Variants in TRPM3 observed in about 807,000 individuals in gnomAD.
TRPM3 encodes long transient receptor potential channel 3.
In TRPM3, 77 loss-of-function variants were observed where a neutral mutation model predicts 181.2. The observed-to-expected ratio is 0.42, with a 90% CI of 0.35 to 0.51. The LOEUF (loss-of-function observed/expected upper bound fraction) is 0.51. Ranked by LOEUF, TRPM3 falls within the 20% of genes least tolerant of loss-of-function variation. The pLI, the probability that TRPM3 is intolerant of heterozygous loss-of-function variation, is 0.01. For missense variants in TRPM3, 1,759 were observed against 2,196.7 expected (o/e 0.80, Z 3.98); for synonymous variants, 745 against 796.4 (o/e 0.94, Z 1.09).
At chr9:70,550,023 G>A (rs1045307910) in intron 24 of TRPM3, among the ~76,000 whole-genome samples, 6 of 152,134 alleles carry the variant, frequency 3.9e-5, no homozygotes, top group Non-Finnish European at 8.8e-5. Context: ...TCTGGGCTGG[G>A]GGTGTGGCAG....
chr9:71,272,230 A>C (rs2083858863), intron 1 of TRPM3, among the ~76,000 whole-genome samples: 2 of 152,342 alleles, frequency 1.3e-5, no homozygotes, highest in East Asian at 3.9e-4. Flanking sequence ...ACATCAAGAA[A>C]ATAGAATTGG....
chr9:70,966,347 G>T (rs898327655), intron 1 of TRPM3, among the ~76,000 whole-genome samples: 2 of 152,040 alleles, frequency 1.3e-5, no homozygotes, highest in Non-Finnish European at 2.9e-5. Context: ...ATTCCTCAAA[G>T]ACTTAGAAAC....
At chr9:71,046,240 C>T (rs1246887579) in intron 1 of TRPM3, among the ~76,000 whole-genome samples, 1 of 152,168 alleles carries the variant, frequency 6.6e-6, no homozygotes, top group African/African-American at 2.4e-5. Flanking sequence ...CAGACTCGGC[C>T]TCCCAAAGTG....
chr9:71,379,630 A>G (rs2092748069), intron 1 of TRPM3, among the ~76,000 whole-genome samples: 1 of 152,040 alleles, frequency 6.6e-6, no homozygotes, highest in East Asian at 1.9e-4. Flanking sequence ...AATACCTTCC[A>G]GGATGACTCT....
intron 1 of TRPM3, chr9:70,917,449 G>C (rs763212153): frequency 1.3e-4 from 103 of 771,318 alleles, no homozygotes; most frequent in Non-Finnish European, 1.3e-4. Flanking sequence ...GACTGGAGTG[G>C]AACAAGGCCA....
chr9:71,154,007 G>A (rs1383209364), intron 1 of TRPM3, among the ~76,000 whole-genome samples: 1 of 152,094 alleles, frequency 6.6e-6, no homozygotes, highest in African/African-American at 2.4e-5. Flanking sequence ...TTTTGGCACT[G>A]TGAGAGTGAA....
chr9:71,178,631 T>C (rs1331643340), intron 1 of TRPM3, among the ~76,000 whole-genome samples: 1 of 152,196 alleles, frequency 6.6e-6, no homozygotes, highest in Non-Finnish European at 1.5e-5. Flanking sequence ...ATTATATTTA[T>C]GGCACTAGTA....
intron 1 of TRPM3, among the ~76,000 whole-genome samples, chr9:71,033,289 G>C (rs913139303): frequency 6.6e-6 from 1 of 152,188 alleles, no homozygotes; most frequent in African/African-American, 2.4e-5. Flanking sequence ...CCTGGGACAC[G>C]GCTGCTTTTA....
At chr9:70,827,693 C>T (rs1353891662) in intron 6 of TRPM3, 154 bp downstream of exon 6, 1 of 862,316 alleles carries the variant, frequency 1.2e-6, no homozygotes, top group Non-Finnish European at 1.7e-6. Context: ...CTCTGGATGG[C>T]TTCCTCTCAT....
chr9:70,866,869 T>G (rs1219368622), intron 1 of TRPM3, among the ~76,000 whole-genome samples: 1 of 152,002 alleles, frequency 6.6e-6, no homozygotes, highest in African/African-American at 2.4e-5. Context: ...GTGAAGAAAT[T>G]GAGGCAGAGA....
chr9:71,007,410 T>A (rs1564957344), intron 1 of TRPM3, among the ~76,000 whole-genome samples: 1 of 152,204 alleles, frequency 6.6e-6, no homozygotes, highest in African/African-American at 2.4e-5. Context: ...AGAACATACA[T>A]TTTTCCATTT....
intron 6 of TRPM3, among the ~76,000 whole-genome samples, chr9:70,800,616 A>G (rs1477413243): frequency 6.6e-6 from 1 of 152,112 alleles, no homozygotes; most frequent in African/African-American, 2.4e-5. Flanking sequence ...GAGGATGAAG[A>G]CCTTCATGAT....
At chr9:70,623,439 G>A (rs1451367115) in intron 14 of TRPM3, among the ~76,000 whole-genome samples, 2 of 151,956 alleles carry the variant, frequency 1.3e-5, no homozygotes, top group East Asian at 1.9e-4. Context: ...CATGGGTCAT[G>A]AGGGTCCCTG....
At chr9:70,861,374 C>T (rs1197820537) in intron 3 of TRPM3, among the ~76,000 whole-genome samples, 1 of 152,152 alleles carries the variant, frequency 6.6e-6, no homozygotes, top group Non-Finnish European at 1.5e-5. Context: ...ACTTACAAGC[C>T]TATTGGTGCT....
intron 1 of TRPM3, among the ~76,000 whole-genome samples, chr9:71,436,689 TG>T (rs977789925): frequency 1.3e-5 from 2 of 152,088 alleles, no homozygotes; most frequent in African/African-American, 4.8e-5. Context: ...CCAAGGAATG[TG>T]GGTGGCTTCT....
At chr9:71,197,868 T>C (rs1215232082) in intron 1 of TRPM3, among the ~76,000 whole-genome samples, 1 of 146,474 alleles carries the variant, frequency 6.8e-6, no homozygotes, top group African/African-American at 2.5e-5. Context: ...AGAAGCTCTT[T>C]AGTTTAATTA....
intron 8 of TRPM3, among the ~76,000 whole-genome samples, chr9:70,755,868 CAT>C (rs2076996880): frequency 2.0e-5 from 3 of 152,172 alleles, no homozygotes; most frequent in Non-Finnish European, 4.4e-5. Flanking sequence ...ACTGCAAAAA[CAT>C]ACCAAATTGT....
intron 6 of TRPM3, chr9:70,809,979 G>A (rs1363518615): frequency 1.9e-6 from 1 of 534,712 alleles, no homozygotes; most frequent in Non-Finnish European, 3.8e-6. Flanking sequence ...AAAGATGCCA[G>A]TGATGACAAT....
At chr9:71,411,818 G>A (rs371744250) in intron 1 of TRPM3, among the ~76,000 whole-genome samples, 53 of 152,110 alleles carry the variant, frequency 3.5e-4, no homozygotes, top group Non-Finnish European at 6.6e-4. Flanking sequence ...GAACAAAGCC[G>A]GAGGCATCAT....
Sources: gnomAD v4.1 joint callset for allele counts (sites outside exome capture counted in the v4.1 genomes callset) on GRCh38, gnomAD v4.1.1 for gene constraint, MANE v1.5 for transcripts, NCBI Gene and HGNC (gene_info 2026-07-23, HGNC 2026-07-21) for gene names.